Variants in NEBL observed in about 807,000 individuals in gnomAD.
NEBL encodes LIM and SH3 protein 2.
Under a neutral mutation model 140.2 loss-of-function variants are expected in NEBL, and 122 were observed. The ratio of observed to expected loss-of-function variants is 0.87; its 90% confidence interval spans 0.75 to 1.01. The LOEUF (loss-of-function observed/expected upper bound fraction) is 1.01, where lower values mean the gene tolerates loss of function less well. Ranked by LOEUF, NEBL falls within the 50% of genes least tolerant of loss-of-function variation. The pLI is 0.00. For missense variants in NEBL, 1,365 were observed against 1,231.3 expected, an observed-to-expected ratio of 1.11 and a Z score of -1.62; for synonymous variants, 436 against 398.9, an observed-to-expected ratio of 1.09 and a Z score of -1.11.
chr10:21,151,627 G>A (rs555861685), intron 2 of NEBL, among the ~76,000 whole-genome samples: 19 of 152,216 alleles, frequency 1.2e-4, no homozygotes, highest in African/African-American at 4.6e-4. Context: ...TGGTTTACAG[G>A]CCTTGTAGGG....
chr10:21,086,309 T>G (rs1042636511), intron 2 of NEBL, among the ~76,000 whole-genome samples: 2 of 152,164 alleles, frequency 1.3e-5, no homozygotes, highest in African/African-American at 4.8e-5. Context: ...ACATAACAGA[T>G]TTCTCATTTT....
Position 21,086,958 on chromosome 10 carries a change from G to A in NEBL, c.165-66757C>T, listed in dbSNP as rs1836662321. 3.3e-5 allele frequency among the ~76,000 whole-genome samples: 5 copies of A among 151,546 alleles called. No individual in the cohort carries two copies. In the South Asian group the frequency reaches 1.0e-3, roughly 32 times the overall value. ...CCCAACACCAATCCCAATCAATTTGGTTGTCTGCTCAACTACCCATCTACA... is the reference window on the plus strand; with the variant it reads ...CCCAACACCAATCCCAATCAATTTGATTGTCTGCTCAACTACCCATCTACA... On this transcript the variant is annotated intron_variant, in intron 2 of 6. Transcript: ENST00000417816.
At chr10:21,172,366 G>T in intron 2 of NEBL, 1 of 1,583,546 alleles carries the variant, frequency 6.3e-7, no homozygotes, top group Non-Finnish European at 8.7e-7. Flanking sequence ...CCTGGACAGC[G>T]TGTTGACAAT....
At chr10:21,043,431 T>C (rs1260211054) in intron 2 of NEBL, among the ~76,000 whole-genome samples, 2 of 152,206 alleles carry the variant, frequency 1.3e-5, no homozygotes, top group Non-Finnish European at 2.9e-5. Flanking sequence ...AATTAGCTCT[T>C]TTCCTTGAAT....
intron 3 of NEBL, among the ~76,000 whole-genome samples, chr10:21,008,794 G>T (rs1838228758): frequency 6.6e-6 from 1 of 152,010 alleles, no homozygotes. Flanking sequence ...ATAAGGTTCG[G>T]TACTATCTGC....
chr10:21,050,052 A>T (rs1176831246), intron 2 of NEBL, among the ~76,000 whole-genome samples: 2 of 152,170 alleles, frequency 1.3e-5, no homozygotes, highest in Non-Finnish European at 2.9e-5. Flanking sequence ...GGGGAGGAAG[A>T]CTAGGTAATA....
intron 2 of NEBL, among the ~76,000 whole-genome samples, chr10:21,165,764 C>T (rs1447670017): frequency 6.6e-6 from 1 of 152,070 alleles, no homozygotes; most frequent in East Asian, 1.9e-4. Flanking sequence ...TATGTGGTGA[C>T]TGTGTTGGAC....
At chr10:21,115,004 TTAAG>T (rs1358298058) in intron 2 of NEBL, among the ~76,000 whole-genome samples, 3 of 152,102 alleles carry the variant, frequency 2.0e-5, no homozygotes, top group East Asian at 1.9e-4. Flanking sequence ...TTCTTTTTAA[TTAAG>T]TGTTTTTTAT....
intron 3 of NEBL, among the ~76,000 whole-genome samples, chr10:21,233,162 C>T (rs114554041): frequency 0.02 from 3,109 of 152,220 alleles, 102 homozygotes; most frequent in African/African-American, 0.071. Flanking sequence ...TCCCAAGCTC[C>T]AGCAATTCCC....
chr10:21,003,342 A>G lies in NEBL; in HGVS notation c.249+16775T>C, dbSNP rs540184564. ...ATGGATTAAGCTCACACTTTTTCTC[A>G]TGTCTTGTTTCTGTTCCATTGTCTC... is the stretch of plus-strand genomic sequence containing the variant. On this transcript the variant is annotated intron_variant, in intron 3 of 6. Coordinates refer to the NEBL transcript ENST00000417816. 4.1e-4 allele frequency among the ~76,000 whole-genome samples: 62 copies of G among 152,042 alleles called. 1 individual carries two copies. In the South Asian group the frequency reaches 0.012, roughly 28 times the overall value.
chr10:20,979,818 T>C (rs1225532133), intron 3 of NEBL, among the ~76,000 whole-genome samples: 1 of 152,148 alleles, frequency 6.6e-6, no homozygotes, highest in Admixed American at 6.5e-5. Flanking sequence ...GCAATCCTCC[T>C]ACCTCAGCCT....
At chr10:20,859,454 A>G (rs1843433190) in intron 8 of NEBL, among the ~76,000 whole-genome samples, 2 of 152,050 alleles carry the variant, frequency 1.3e-5, no homozygotes, top group South Asian at 2.1e-4. Flanking sequence ...GCAAAATTCT[A>G]TAATCTATTT....
At chr10:21,199,234 TG>T (rs1407576466) in intron 3 of NEBL, among the ~76,000 whole-genome samples, 1 of 151,972 alleles carries the variant, frequency 6.6e-6, no homozygotes, top group African/African-American at 2.4e-5. Context: ...GGTCTCACTA[TG>T]TTGCTAAGGC....
intron 4 of NEBL, among the ~76,000 whole-genome samples, chr10:20,944,792 C>T (rs540776211): frequency 2.2e-4 from 33 of 152,234 alleles, no homozygotes; most frequent in African/African-American, 5.3e-4. Flanking sequence ...GGCATTGCTT[C>T]GACATACAGA....
At chr10:20,881,830 T>C (rs928812152) in intron 4 of NEBL, among the ~76,000 whole-genome samples, 1 of 152,180 alleles carries the variant, frequency 6.6e-6, no homozygotes, top group Non-Finnish European at 1.5e-5. Flanking sequence ...AGAAAGGCAA[T>C]ATTAATTTTA....
chr10:20,921,472 C>T (rs1000010178), intron 4 of NEBL, among the ~76,000 whole-genome samples: 4 of 152,056 alleles, frequency 2.6e-5, no homozygotes, highest in African/African-American at 9.7e-5. Flanking sequence ...TTCCTCACAC[C>T]CTCCCTTCTC....
intron 3 of NEBL, among the ~76,000 whole-genome samples, chr10:21,230,924 G>T (rs1050063730): frequency 1.4e-4 from 21 of 151,898 alleles, no homozygotes; most frequent in Non-Finnish European, 1.3e-4. Flanking sequence ...CTTAAGAAAC[G>T]AAAAGGAACC....
chr10:21,024,606 A>G (rs1838946507), intron 2 of NEBL, among the ~76,000 whole-genome samples: 1 of 152,154 alleles, frequency 6.6e-6, no homozygotes, highest in Admixed American at 6.5e-5. Flanking sequence ...AATTATAGAG[A>G]TGGCAACTCA....
At chr10:20,837,511 C>G (rs1401868164) in intron 13 of NEBL, among the ~76,000 whole-genome samples, 2 of 152,172 alleles carry the variant, frequency 1.3e-5, no homozygotes, top group Non-Finnish European at 2.9e-5. Context: ...GAAGCCATCT[C>G]CATCATATGA....
Sources: gnomAD v4.1 joint callset for allele counts (sites outside exome capture counted in the v4.1 genomes callset) on GRCh38, gnomAD v4.1.1 for gene constraint, MANE v1.5 for transcripts, NCBI Gene and HGNC (gene_info 2026-07-23, HGNC 2026-07-21) for gene names.